GFOD1: variants seen among roughly 807,000 people sequenced by gnomAD.
GFOD1 encodes Gfo/Idh/MocA-like oxidoreductase domain containing 1.
In GFOD1, 9 loss-of-function variants were observed where a neutral mutation model predicts 25.4. The ratio of observed to expected loss-of-function variants is 0.35; its 90% confidence interval spans 0.21 to 0.62. GFOD1 has a LOEUF of 0.62. Ranked by LOEUF, GFOD1 falls within the 20% of genes least tolerant of loss-of-function variation. GFOD1 has a pLI of 0.72. For missense variants in GFOD1, 403 were observed against 556.9 expected (o/e 0.72, Z 2.78); for synonymous variants, 253 against 245.6 (o/e 1.03, Z -0.28).
Position 13,362,883 on chromosome 6 carries a change from C to T in GFOD1, c.*1860G>A, listed in dbSNP as rs1328894309. Reference sequence around the variant, plus strand: ...GCTGTTCATTCTCAGATTTTGCCTACACAGGCTGGAGGTGGACTCCAGTCC... The same window carrying T: ...GCTGTTCATTCTCAGATTTTGCCTATACAGGCTGGAGGTGGACTCCAGTCC... On this transcript the variant is annotated 3_prime_UTR_variant, in exon 2 of 2. Transcript: ENST00000379287. 6.6e-6 allele frequency: 1 copy of T among 152,188 alleles called. No homozygotes were observed. Among genetic ancestry groups the T allele is most frequent in the Non-Finnish European group, 1.5e-5 (1 of 68,044 alleles). 9.4% of individuals were successfully genotyped at this position (152,188 alleles called of 1,614,324 possible).
intron 1 of GFOD1, among the ~76,000 whole-genome samples, chr6:13,463,940 C>A (rs115640319): frequency 0.011 from 1,629 of 152,144 alleles, 18 homozygotes; most frequent in Non-Finnish European, 0.016. Context: ...ATCCTACCTG[C>A]CAAACCTCAA....
At chr6:13,391,837 C>A (rs1785620463) in intron 1 of GFOD1, among the ~76,000 whole-genome samples, 1 of 152,202 alleles carries the variant, frequency 6.6e-6, no homozygotes, top group Non-Finnish European at 1.5e-5. Context: ...AGCACAGGGT[C>A]TGGGACACAG....
intron 1 of GFOD1, among the ~76,000 whole-genome samples, chr6:13,447,035 G>A (rs1428168617): frequency 3.9e-5 from 6 of 152,152 alleles, no homozygotes. Context: ...TAAACAATCC[G>A]CTGATTTCAC....
At chr6:13,389,265 A>G (rs57991391) in intron 1 of GFOD1, among the ~76,000 whole-genome samples, 9,719 of 152,266 alleles carry the variant, frequency 0.064, 645 homozygotes, top group African/African-American at 0.17. Context: ...ATTACTAGGT[A>G]TATACCCAAA....
At chr6:13,444,895 G>A (rs868684016) in intron 1 of GFOD1, among the ~76,000 whole-genome samples, 1 of 152,028 alleles carries the variant, frequency 6.6e-6, no homozygotes, top group Admixed American at 6.6e-5. Flanking sequence ...GTATATGATC[G>A]ATATATACCA....
At chr6:13,406,888 C>G (rs1323346078) in intron 1 of GFOD1, among the ~76,000 whole-genome samples, 1 of 152,162 alleles carries the variant, frequency 6.6e-6, no homozygotes, top group African/African-American at 2.4e-5. Context: ...TTCCTCTGCC[C>G]TTGTCAGTTC....
At chr6:13,390,810 A>AGGAG (rs1554200662) in intron 1 of GFOD1, among the ~76,000 whole-genome samples, 2 of 151,250 alleles carry the variant, frequency 1.3e-5, no homozygotes, top group East Asian at 1.9e-4. Flanking sequence ...GAAGGAAGGA[A>AGGAG]GGAAGGAAGG....
chr6:13,441,253 C>T (rs1207242118), intron 1 of GFOD1, among the ~76,000 whole-genome samples: 12 of 152,192 alleles, frequency 7.9e-5, no homozygotes, highest in Non-Finnish European at 1.5e-5. Context: ...TCTTCATCCT[C>T]CCACATCCAC....
intron 1 of GFOD1, among the ~76,000 whole-genome samples, chr6:13,395,945 G>A (rs1404311173): frequency 6.6e-6 from 1 of 152,212 alleles, no homozygotes; most frequent in African/African-American, 2.4e-5. Flanking sequence ...AGCCTGGGAT[G>A]AGCAGAGGGC....
intron 1 of GFOD1, among the ~76,000 whole-genome samples, chr6:13,366,561 C>T (rs1785051237): frequency 6.6e-6 from 1 of 152,014 alleles, no homozygotes; most frequent in Admixed American, 6.6e-5. Context: ...GTCTGGAACT[C>T]CTGACCTCAT....
At chr6:13,475,371 T>C (rs1758595769) in intron 1 of GFOD1, among the ~76,000 whole-genome samples, 2 of 151,582 alleles carry the variant, frequency 1.3e-5, no homozygotes, top group South Asian at 4.2e-4. Flanking sequence ...ATCAGGAGTT[T>C]GAGACCAGCC....
At chr6:13,442,776 C>T (rs1309160425) in intron 1 of GFOD1, among the ~76,000 whole-genome samples, 1 of 152,206 alleles carries the variant, frequency 6.6e-6, no homozygotes, top group African/African-American at 2.4e-5. Flanking sequence ...TCCTCTCGAA[C>T]CATTACTGCT....
intron 1 of GFOD1, among the ~76,000 whole-genome samples, chr6:13,387,750 G>C (rs1785505941): frequency 6.6e-6 from 1 of 152,152 alleles, no homozygotes; most frequent in Non-Finnish European, 1.5e-5. Context: ...TCAACACAGT[G>C]TTGGAAGTTC....
At chr6:13,425,721 G>A (rs543179394) in intron 1 of GFOD1, among the ~76,000 whole-genome samples, 6 of 152,138 alleles carry the variant, frequency 3.9e-5, no homozygotes, top group East Asian at 1.9e-4. Context: ...GTCTCCATCC[G>A]GCTCTGACAG....
chr6:13,404,388 T>G (rs1254956327), intron 1 of GFOD1, among the ~76,000 whole-genome samples: 2 of 152,192 alleles, frequency 1.3e-5, no homozygotes, highest in African/African-American at 4.8e-5. Flanking sequence ...TTCATGAACT[T>G]CTTTTAAGGA....
intron 1 of GFOD1, among the ~76,000 whole-genome samples, chr6:13,427,807 T>C (rs990431453): frequency 6.6e-6 from 1 of 152,230 alleles, no homozygotes; most frequent in Non-Finnish European, 1.5e-5. Context: ...CTTAGACTTG[T>C]ACGTAATTCC....
At chr6:13,479,872 C>T (rs1269707794) in intron 1 of GFOD1, among the ~76,000 whole-genome samples, 2 of 152,168 alleles carry the variant, frequency 1.3e-5, no homozygotes, top group South Asian at 2.1e-4. Context: ...AAGAGAAAAA[C>T]GCAATCACCT....
At chr6:13,428,616 C>G (rs921294930) in intron 1 of GFOD1, among the ~76,000 whole-genome samples, 10 of 152,160 alleles carry the variant, frequency 6.6e-5, no homozygotes, top group African/African-American at 1.4e-4. Flanking sequence ...AATCACGAAG[C>G]CTGGGGAAAT....
At chr6:13,397,875 C>G (rs1785765923) in intron 1 of GFOD1, among the ~76,000 whole-genome samples, 1 of 152,232 alleles carries the variant, frequency 6.6e-6, no homozygotes, top group African/African-American at 2.4e-5. Context: ...ACATTTGGAA[C>G]TGAAAACAAA....
Sources: gnomAD v4.1 joint callset for allele counts (sites outside exome capture counted in the v4.1 genomes callset) on GRCh38, gnomAD v4.1.1 for gene constraint, MANE v1.5 for transcripts, NCBI Gene and HGNC (gene_info 2026-07-23, HGNC 2026-07-21) for gene names.